Variants in KAT2B observed in about 807,000 individuals in gnomAD.
KAT2B encodes the protein histone acetyltransferase KAT2B.
Under a neutral mutation model 105.9 loss-of-function variants are expected in KAT2B, and 36 were observed. That is an observed-to-expected ratio of 0.34 (90% confidence interval 0.26 to 0.45). The LOEUF (loss-of-function observed/expected upper bound fraction) is 0.45. KAT2B is among the 20% of genes least tolerant of loss of function. The pLI, the probability that KAT2B is intolerant of heterozygous loss-of-function variation, is 1.00. For missense variants in KAT2B, 820 were observed against 1,021.6 expected (o/e 0.80, Z 2.69); for synonymous variants, 397 against 377.9 (o/e 1.05, Z -0.59).
At chr3:20,054,589 A>G (rs1697973555) in intron 1 of KAT2B, among the ~76,000 whole-genome samples, 1 of 152,192 alleles carries the variant, frequency 6.6e-6, no homozygotes, top group South Asian at 2.1e-4. Context: ...ATCAGTCCCC[A>G]TGCGTTGTGT....
At chr3:20,061,228 A>G (rs1698094906) in intron 1 of KAT2B, among the ~76,000 whole-genome samples, 1 of 152,148 alleles carries the variant, frequency 6.6e-6, no homozygotes, top group African/African-American at 2.4e-5. Flanking sequence ...GGAATCATAC[A>G]GTATTTGTCA....
rs551614320 is a variant in KAT2B at position 20,112,026 on chromosome 3, A to T, written c.1043+239A>T. On this transcript the variant is annotated intron_variant, in intron 6 of 17. Transcript: ENST00000263754. ...CCTTATCCCCTCCTCGTCCTACCTG[A>T]GTCATTGTCTCTGACTCACATAGAA... 3.3e-5 allele frequency among the ~76,000 whole-genome samples: 5 copies of T among 152,170 alleles called. No homozygotes were observed. The South Asian group carries it at 1.0e-3, about 32-fold the overall frequency.
At chr3:20,132,294 AC>A (rs1699524731) in intron 11 of KAT2B, among the ~76,000 whole-genome samples, 1 of 152,166 alleles carries the variant, frequency 6.6e-6, no homozygotes, top group African/African-American at 2.4e-5. Flanking sequence ...AATCACTTGA[AC>A]CCAGGAAGTG....
At chr3:20,104,055 G>T (rs1034757691) in intron 5 of KAT2B, among the ~76,000 whole-genome samples, 1 of 152,200 alleles carries the variant, frequency 6.6e-6, no homozygotes, top group Admixed American at 6.5e-5. Context: ...CACTGCCAAT[G>T]TGGAGCTTAT....
At chr3:20,041,698 T>A (rs778400911) in intron 1 of KAT2B, among the ~76,000 whole-genome samples, 3 of 152,084 alleles carry the variant, frequency 2.0e-5, no homozygotes, top group Non-Finnish European at 4.4e-5. Context: ...GACTTGGCCT[T>A]GTCAGCTCCT....
chr3:20,109,915 G>C (rs769763836), intron 5 of KAT2B, among the ~76,000 whole-genome samples: 4 of 151,982 alleles, frequency 2.6e-5, no homozygotes, highest in African/African-American at 4.8e-5. Context: ...TTTTAATGTA[G>C]GCAGATGAAC....
At chr3:20,054,728 A>G (rs576575079) in intron 1 of KAT2B, among the ~76,000 whole-genome samples, 1 of 152,352 alleles carries the variant, frequency 6.6e-6, no homozygotes, top group Non-Finnish European at 1.5e-5. Flanking sequence ...AGCTCTGACA[A>G]GCTGGTGTTG....
chr3:20,109,767 T>C (rs935420460), intron 5 of KAT2B, among the ~76,000 whole-genome samples: 1 of 152,210 alleles, frequency 6.6e-6, no homozygotes, highest in African/African-American at 2.4e-5. Context: ...CCAAGATCAC[T>C]GTTTCAGACA....
intron 8 of KAT2B, 40 bp from the exon 9 acceptor site, chr3:20,122,628 A>C: frequency 6.5e-7 from 1 of 1,541,438 alleles, no homozygotes; most frequent in South Asian, 1.1e-5. Context: ...TTTTGTGTTT[A>C]GAACCACCCA....
chr3:20,049,006 C>A (rs975978802), intron 1 of KAT2B, among the ~76,000 whole-genome samples: 1 of 147,308 alleles, frequency 6.8e-6, no homozygotes, highest in Non-Finnish European at 1.5e-5. Flanking sequence ...AGACTACAGG[C>A]CCCCGCCACC....
chr3:20,108,359 G>A (rs888379294), intron 5 of KAT2B, among the ~76,000 whole-genome samples: 2 of 152,158 alleles, frequency 1.3e-5, no homozygotes, highest in Non-Finnish European at 2.9e-5. Context: ...CAGAGACATA[G>A]AATCATCCCC....
At chr3:20,103,724 A>T (rs1698950235) in intron 5 of KAT2B, among the ~76,000 whole-genome samples, 1 of 152,166 alleles carries the variant, frequency 6.6e-6, no homozygotes, top group Non-Finnish European at 1.5e-5. Context: ...ATTTTAGAAA[A>T]CAGAAGAAAA....
Position 20,149,495 on chromosome 3 carries a change from CAA to C in KAT2B, c.2305+1032_2305+1033del, listed in dbSNP as rs56091316. 9.0e-3 allele frequency among the ~76,000 whole-genome samples: 380 copies of C among 42,408 alleles called. 2 individuals are homozygous for C. Among genetic ancestry groups the C allele is most frequent in the African/African-American group, 0.015 (112 of 7,692 alleles). 27.8% of individuals were successfully genotyped at this position (42,408 alleles called of 152,430 possible). A position where few individuals can be genotyped will look rare whatever the true frequency, so the allele number is the denominator to read the frequency against. ...TGGGCACTGGAGGGAGACCGTATCTCAAAAAAAAAAAAAAAAAAAAAAAAATT... is the reference window on the plus strand; with the variant it reads ...TGGGCACTGGAGGGAGACCGTATCTCAAAAAAAAAAAAAAAAAAAAAAATT... On this transcript the variant is annotated intron_variant, in intron 17 of 17. Transcript: ENST00000263754.
Position 20,059,818 on chromosome 3 carries a change from A to G in KAT2B, c.304-12515A>G, listed in dbSNP as rs138809710. Among the ~76,000 whole-genome samples, 573 of 152,356 alleles carry G rather than the reference A, an allele frequency of 3.8e-3. 4 individuals are homozygous for G. Among genetic ancestry groups the G allele is most frequent in the African/African-American group, 0.013 (541 of 41,578 alleles). On this transcript the variant is annotated intron_variant, in intron 1 of 17. Transcript: ENST00000263754. ...TTTTAAGAAATTGACAAGTTGTACAATCATCACCACAATCTACCTTTTAGA... is the reference window on the plus strand; with the variant it reads ...TTTTAAGAAATTGACAAGTTGTACAGTCATCACCACAATCTACCTTTTAGA...
At chr3:20,137,338 TC>T (rs1211196512) in intron 12 of KAT2B, among the ~76,000 whole-genome samples, 2 of 152,170 alleles carry the variant, frequency 1.3e-5, no homozygotes, top group Non-Finnish European at 2.9e-5. Context: ...AATAAGAAAT[TC>T]CCAGTCCTGG....
At position 20,152,464 on chromosome 3, in the gene KAT2B, C is replaced by T; in HGVS notation, c.2438C>T (p.Ala813Val). The change falls in exon 18 of 18, where the codon GCC becomes GTC. Residue 813 changes from alanine (A) to valine (V), a missense_variant. Physicochemically the swap from Ala to Val is moderately conservative, Grantham distance 64. Around this residue, in one of 6 missense-constraint regions of KAT2B, gnomAD observed 227 missense variants for 292.9 expected, o/e 0.77. Coordinates refer to ENST00000263754, the MANE Select transcript of KAT2B (RefSeq NM_003884.5). ...CCTGAGAGTGAATACTACAAATGTG[C>T]CAATATCCTGGAGAAATTCTTCTTC... is the stretch of plus-strand genomic sequence containing the variant. ...NPPESEYYKC[A>V]NILEKFFFSK... The T allele has an allele frequency of 6.2e-7, 1 of 1,613,208 alleles. No individual in the cohort carries two copies. Among genetic ancestry groups the T allele is most frequent in the Non-Finnish European group, 8.5e-7 (1 of 1,179,376 alleles).
At chr3:20,136,801 A>C (rs920041679) in intron 11 of KAT2B, 141 bp from the exon 12 acceptor site, 1 of 458,408 alleles carries the variant, frequency 2.2e-6, no homozygotes, top group Non-Finnish European at 3.9e-6. Flanking sequence ...AAGGGTGTTA[A>C]TATATTTCAT....
At chr3:20,100,932 T>A in intron 4 of KAT2B, 1 of 232,854 alleles carries the variant, frequency 4.3e-6, no homozygotes, top group Non-Finnish European at 8.4e-6. Context: ...ATATGTGGGC[T>A]ACTCTGCTGA....
chr3:20,063,616 C>T (rs1297583288), intron 1 of KAT2B, among the ~76,000 whole-genome samples: 1 of 142,836 alleles, frequency 7.0e-6, no homozygotes, highest in Non-Finnish European at 1.5e-5. Flanking sequence ...AATCTCAGCT[C>T]ACTGCAACCT....
Sources: allele counts gnomAD v4.1 joint callset (sites outside exome capture counted in the v4.1 genomes callset), GRCh38; gene constraint gnomAD v4.1.1; regional missense constraint gnomAD v4.1.1; transcripts MANE v1.5; gene names NCBI Gene and HGNC (gene_info 2026-07-23, HGNC 2026-07-21).